The following NEK1 variants were observed in gnomAD, a reference collection of about 807,000 sequenced individuals.
NEK1 encodes serine/threonine-protein kinase Nek1.
A neutral mutation model predicts 182.1 loss-of-function variants in NEK1; 137 were observed. The observed-to-expected ratio is 0.75, with a 90% CI of 0.65 to 0.87. NEK1 has a LOEUF of 0.87. Ranked by LOEUF, NEK1 falls within the 40% of genes least tolerant of loss-of-function variation. The probability of loss-of-function intolerance (pLI) is 0.00; values close to 1 mark genes in which losing one functional copy is unlikely to be tolerated. For synonymous variants in NEK1, 513 were observed against 492.2 expected (o/e 1.04, Z -0.56); for missense variants, 1,391 against 1,494.4 (o/e 0.93, Z 1.14).
chr4:169,439,845 CTT>C (rs33985502), intron 27 of NEK1, among the ~76,000 whole-genome samples: 4 of 116,392 alleles, frequency 3.4e-5, no homozygotes, highest in Admixed American at 8.8e-5. Context: ...GTTAGGGTAT[CTT>C]TTTTTTTTTT....
At chr4:169,497,056 C>T (rs1274792240) in intron 23 of NEK1, among the ~76,000 whole-genome samples, 3 of 152,118 alleles carry the variant, frequency 2.0e-5, no homozygotes, top group Admixed American at 1.3e-4. Context: ...GGTGGGTAAG[C>T]TATTAATTAT....
chr4:169,453,349 T>G (rs1304589512), intron 27 of NEK1, among the ~76,000 whole-genome samples: 1 of 152,190 alleles, frequency 6.6e-6, no homozygotes, highest in African/African-American at 2.4e-5. Flanking sequence ...GAGCCCACAT[T>G]GCCAAGACAA....
At chr4:169,571,106 C>G (rs1764739371) in intron 12 of NEK1, among the ~76,000 whole-genome samples, 1 of 151,794 alleles carries the variant, frequency 6.6e-6, no homozygotes, top group African/African-American at 2.4e-5. Context: ...TATCTGCTGA[C>G]CTTCCCTCCA....
chr4:169,536,077 C>G (rs1235022468), intron 19 of NEK1, among the ~76,000 whole-genome samples: 1 of 151,520 alleles, frequency 6.6e-6, no homozygotes, highest in Non-Finnish European at 1.5e-5. Flanking sequence ...GATGGATCAC[C>G]TGAGGTCTGG....
chr4:169,589,517 G>T lies in NEK1; in HGVS notation c.397-3C>A. 6.9e-7 allele frequency: 1 copy of T among 1,444,864 alleles called. No individual in the cohort carries two copies. The highest frequency in any genetic ancestry group is 9.4e-7 in the Non-Finnish European group (1 of 1,067,396). 89.5% of individuals were successfully genotyped at this position (1,444,864 alleles called of 1,614,324 possible). ...CCATCTTTAGTTAAAAATATGTTCT[G>T]TAAAAGACAGGAAAAAAAAAAACCC... On this transcript the variant is annotated splice_region_variant and splice_polypyrimidine_tract_variant and intron_variant, in intron 6 of 35. Coordinates refer to ENST00000507142, the MANE Select transcript of NEK1 (RefSeq NM_001199397.3).
chr4:169,570,221 G>T (rs1340665131), intron 12 of NEK1, among the ~76,000 whole-genome samples: 4 of 150,292 alleles, frequency 2.7e-5, no homozygotes, highest in Admixed American at 2.6e-4. Context: ...CTGCCTGGCC[G>T]CCCCGTCTGA....
chr4:169,498,158 T>C (rs910026938), intron 23 of NEK1, among the ~76,000 whole-genome samples: 3 of 152,262 alleles, frequency 2.0e-5, no homozygotes, highest in African/African-American at 7.2e-5. Flanking sequence ...TACAATTATG[T>C]AATGGCCTTC....
intron 5 of NEK1, 76 bp downstream of exon 5, chr4:169,599,024 C>T: frequency 1.8e-6 from 2 of 1,090,080 alleles, no homozygotes; most frequent in East Asian, 2.4e-5. Context: ...TAGTTAAAAA[C>T]AAATACACAC....
intron 10 of NEK1, among the ~76,000 whole-genome samples, chr4:169,581,174 C>T (rs191179389): frequency 1.5e-4 from 22 of 151,426 alleles, no homozygotes; most frequent in African/African-American, 4.6e-4. Flanking sequence ...AGTGAGATCT[C>T]GTCTCTATTT....
rs752878896 is a variant in NEK1 at position 169,433,612 on chromosome 4, CTTTG to C, written c.2814_2817del (p.Asn938LysfsTer53). 1.5e-5 allele frequency: 24 copies of C among 1,613,294 alleles called. No homozygotes were observed. The highest frequency in any genetic ancestry group is 2.7e-5 in the African/African-American group (2 of 74,906). On this transcript the variant is annotated frameshift_variant, in exon 29 of 36. Coordinates refer to ENST00000507142, the MANE Select transcript of NEK1 (RefSeq NM_001199397.3). LOFTEE classifies it high-confidence loss of function. The stretch of plus-strand genomic sequence containing the variant: ...GTAATAGTGCATGGCAAGCTCTCAT[CTTTG>C]TTTGTTCCACTTGGCTCTTGTAGAA...
chr4:169,505,795 A>G (rs1753154701), intron 23 of NEK1, among the ~76,000 whole-genome samples: 1 of 152,240 alleles, frequency 6.6e-6, no homozygotes, highest in Admixed American at 6.5e-5. Context: ...AACTCACTGG[A>G]TAAGAGGATA....
chr4:169,609,969 G>A (rs796605654), intron 2 of NEK1, among the ~76,000 whole-genome samples: 1 of 151,108 alleles, frequency 6.6e-6, no homozygotes, highest in African/African-American at 2.4e-5. Flanking sequence ...AAGTACCTCA[G>A]CCTCTAGTCA....
intron 19 of NEK1, among the ~76,000 whole-genome samples, chr4:169,527,237 T>C (rs1197165893): frequency 6.6e-6 from 1 of 151,966 alleles, no homozygotes. Context: ...CATTCAGATA[T>C]GAAGATGAAA....
At chr4:169,463,081 A>T (rs1744266881) in intron 27 of NEK1, among the ~76,000 whole-genome samples, 162 bp downstream of exon 27, 1 of 152,156 alleles carries the variant, frequency 6.6e-6, no homozygotes, top group South Asian at 2.1e-4. Context: ...CCATTTGGAC[A>T]ATCCCCCTAG....
chr4:169,443,938 T>C (rs1433271431), intron 27 of NEK1, among the ~76,000 whole-genome samples: 2 of 152,064 alleles, frequency 1.3e-5, no homozygotes, highest in East Asian at 3.8e-4. Flanking sequence ...CCAAGAATAC[T>C]ATACCCACCA....
chr4:169,591,981 C>T (rs925235754), intron 5 of NEK1, among the ~76,000 whole-genome samples: 2 of 151,270 alleles, frequency 1.3e-5, no homozygotes, highest in Non-Finnish European at 2.9e-5. Context: ...ATGCAAATGA[C>T]GGGGCGAAAA....
At chr4:169,518,716 C>T (rs1442739346) in intron 19 of NEK1, among the ~76,000 whole-genome samples, 1 of 82,836 alleles carries the variant, frequency 1.2e-5, no homozygotes, top group Non-Finnish European at 2.2e-5. Context: ...TCTTTGTTCT[C>T]GTTGGTTTCA....
rs1770581579 is a variant in NEK1, at chr4:169,602,005, G to C, written c.214+3C>G. Reference sequence around the variant, plus strand: ...TTTAACTCTCTCGCATAATTTATCTGACCTTCAAATGATTCTCTATACTGG... The same window carrying C: ...TTTAACTCTCTCGCATAATTTATCTCACCTTCAAATGATTCTCTATACTGG... On this transcript the variant is annotated splice_donor_region_variant and intron_variant, in intron 4 of 35. Coordinates refer to ENST00000507142, the MANE Select transcript of NEK1 (RefSeq NM_001199397.3). The C allele has an allele frequency of 6.3e-7, 1 of 1,594,660 alleles. No homozygotes were observed. Among genetic ancestry groups the C allele is most frequent in the Non-Finnish European group, 8.6e-7 (1 of 1,164,194 alleles).
intron 18 of NEK1, among the ~76,000 whole-genome samples, chr4:169,541,641 A>G (rs535756419): frequency 6.6e-6 from 1 of 152,312 alleles, no homozygotes; most frequent in East Asian, 1.9e-4. Flanking sequence ...ACAAATTATA[A>G]TAATCAGAAA....
Sources: gnomAD v4.1 joint callset for allele counts (sites outside exome capture counted in the v4.1 genomes callset) on GRCh38, gnomAD v4.1.1 for gene constraint, MANE v1.5 for transcripts, NCBI Gene and HGNC (gene_info 2026-07-23, HGNC 2026-07-21) for gene names.